Variants in ITGA11 observed in about 807,000 individuals in gnomAD.
The protein encoded by ITGA11 is integrin alpha-11.
Under a neutral mutation model 141.9 loss-of-function variants are expected in ITGA11, and 97 were observed. The ratio of observed to expected loss-of-function variants is 0.68; its 90% CI spans 0.58 to 0.81. ITGA11 has a LOEUF of 0.81. ITGA11 is among the 30% of genes least tolerant of loss of function. ITGA11 has a pLI of 0.00. For synonymous variants in ITGA11, 658 were observed against 624.6 expected (o/e 1.05, Z -0.80); for missense variants, 1,387 against 1,559.2 (o/e 0.89, Z 1.86).
chr15:68,369,227 G>A lies in ITGA11; in HGVS notation c.222C>T (p.Tyr74=). Residue 74 remains tyrosine (Y), a synonymous_variant, in exon 3 of 30, where the codon TAC becomes TAT. Coordinates refer to ENST00000315757, the MANE Select transcript of ITGA11 (RefSeq NM_001004439.2). ...TNGYQKTGDV[Y]KCPVIHGNCT... ...AGTTCCCGTGGATCACTGGACACTT[G>A]TACACGTCTCCCGTCTTCTGGTAGC... 1 of 1,614,008 alleles carries A rather than the reference G, an allele frequency of 6.2e-7. No individual in the cohort carries two copies. The highest frequency in any genetic ancestry group is 8.5e-7 in the Non-Finnish European group (1 of 1,179,884).
At chr15:68,401,345 T>A (rs1334293174) in intron 2 of ITGA11, among the ~76,000 whole-genome samples, 1 of 152,022 alleles carries the variant, frequency 6.6e-6, no homozygotes, top group East Asian at 1.9e-4. Context: ...ACTCAGCAAT[T>A]CTATCCCGGA....
In ITGA11 at chr15:68,307,430, G is replaced by A. The variant is rs1258788173; in HGVS notation, c.3299C>T (p.Ser1100Phe). ...GGCTGCGTTGACCATGATTTTCATG[G>A]ATTTGTACTTGAGCTGTGCAATCAG... ...LRSLKALKYK[S>F]MKIMVNAALQ... Residue 1100 changes from serine (S) to phenylalanine (F), a missense_variant, in exon 28 of 30, where the codon TCC becomes TTC. Coordinates refer to ENST00000315757, the MANE Select transcript of ITGA11 (RefSeq NM_001004439.2). The surrounding 1 kb of genome is among the most constrained non-coding windows in gnomAD (Gnocchi z 6.1). 5 of 1,556,950 alleles carry A rather than the reference G, an allele frequency of 3.2e-6. No homozygotes were observed. The highest frequency in any genetic ancestry group is 4.3e-6 in the Non-Finnish European group (5 of 1,149,468).
chr15:68,366,232 G>A (rs568795905), intron 3 of ITGA11, among the ~76,000 whole-genome samples: 22 of 152,194 alleles, frequency 1.4e-4, no homozygotes, highest in South Asian at 6.2e-4. Context: ...ACAAAGCACC[G>A]CGCACACCTG....
At chr15:68,424,819 T>C (rs1287998035) in intron 1 of ITGA11, among the ~76,000 whole-genome samples, 1 of 152,238 alleles carries the variant, frequency 6.6e-6, no homozygotes, top group Non-Finnish European at 1.5e-5. Context: ...ATGTTGAAGA[T>C]GCAGAGATCC....
chr15:68,348,106 C>T (rs558821293), intron 10 of ITGA11, among the ~76,000 whole-genome samples: 271 of 152,324 alleles, frequency 1.8e-3, no homozygotes, highest in African/African-American at 6.1e-3. Context: ...TCTTCTGTCC[C>T]CCTTGCAGTC....
At chr15:68,390,799 A>C (rs1179439133) in intron 2 of ITGA11, among the ~76,000 whole-genome samples, 1 of 152,180 alleles carries the variant, frequency 6.6e-6, no homozygotes, top group East Asian at 1.9e-4. Flanking sequence ...CCTATTTTAC[A>C]CATGGGCAAA....
At chr15:68,344,137 C>A (rs1234110387) in intron 10 of ITGA11, among the ~76,000 whole-genome samples, 1 of 152,108 alleles carries the variant, frequency 6.6e-6, no homozygotes, top group African/African-American at 2.4e-5. Flanking sequence ...AGAAATGATT[C>A]CTGCCACCAG....
chr15:68,430,035 T>C (rs2100003), intron 1 of ITGA11, among the ~76,000 whole-genome samples: 21,511 of 152,168 alleles, frequency 0.14, 1,984 homozygotes, highest in East Asian at 0.3. Context: ...AGGACCCAGA[T>C]TGCACACACG....
At chr15:68,313,609 TG>T (rs1289509966) in intron 23 of ITGA11, among the ~76,000 whole-genome samples, 169 bp downstream of exon 23, 1 of 152,062 alleles carries the variant, frequency 6.6e-6, no homozygotes, top group African/African-American at 2.4e-5. Flanking sequence ...CCACATTGGA[TG>T]GGGGTGCTGC....
chr15:68,332,096 G>C, intron 13 of ITGA11, 34 bp from the exon 14 acceptor site: 1 of 1,540,142 alleles, frequency 6.5e-7, no homozygotes. Flanking sequence ...GGCTGGGGAG[G>C]GTTTGGCAAA....
At chr15:68,419,778 G>A (rs1334313713) in intron 1 of ITGA11, among the ~76,000 whole-genome samples, 1 of 152,188 alleles carries the variant, frequency 6.6e-6, no homozygotes, top group Non-Finnish European at 1.5e-5. Context: ...GTATGACCTT[G>A]GGCAAGACAC....
chr15:68,358,314 C>A (rs1895131855), intron 6 of ITGA11, 144 bp downstream of exon 6: 1 of 783,400 alleles, frequency 1.3e-6, no homozygotes, highest in Non-Finnish European at 2.0e-6. Flanking sequence ...CTGCAGTGCC[C>A]CAGTGCTGGC....
At chr15:68,374,119 A>G (rs535701937) in intron 2 of ITGA11, among the ~76,000 whole-genome samples, 2 of 151,496 alleles carry the variant, frequency 1.3e-5, no homozygotes, top group South Asian at 4.2e-4. Context: ...ACCAAGACCA[A>G]TGAGGGAGAA....
At chr15:68,373,181 C>T (rs1895641211) in intron 2 of ITGA11, among the ~76,000 whole-genome samples, 1 of 152,152 alleles carries the variant, frequency 6.6e-6, no homozygotes, top group Non-Finnish European at 1.5e-5. Flanking sequence ...TTACCCTGGC[C>T]TTTCTCACAT....
intron 1 of ITGA11, among the ~76,000 whole-genome samples, chr15:68,406,170 A>C (rs1278349679): frequency 6.6e-6 from 1 of 152,180 alleles, no homozygotes; most frequent in Non-Finnish European, 1.5e-5. Flanking sequence ...GCCCTCTATC[A>C]GTGCTTGTTG....
At chr15:68,418,341 G>C (rs957854547) in intron 1 of ITGA11, among the ~76,000 whole-genome samples, 1 of 152,208 alleles carries the variant, frequency 6.6e-6, no homozygotes, top group African/African-American at 2.4e-5. Context: ...AAGTGATAGA[G>C]CCTCAGGGAG....
In ITGA11 at chr15:68,322,970, T is replaced by G. The variant is rs1893859439; in HGVS notation, c.2323-1467A>C. Among the ~76,000 whole-genome samples the G allele has an allele frequency of 6.6e-6, 1 of 152,136 alleles. No individual in the cohort carries two copies. Among genetic ancestry groups the G allele is most frequent in the African/African-American group, 2.4e-5 (1 of 41,418 alleles). The stretch of plus-strand genomic sequence containing the variant: ...GAGGACCTCAGCAGGCAGATGGATA[T>G]TCAAGCCTGGAGCTGAGGGGCAGTA... On this transcript the variant is annotated intron_variant, in intron 18 of 29. Transcript: ENST00000315757. The surrounding 1 kb of genome is among the most constrained non-coding windows in gnomAD (Gnocchi z 5.6).
intron 1 of ITGA11, among the ~76,000 whole-genome samples, chr15:68,411,084 G>A (rs1027571557): frequency 6.6e-6 from 1 of 152,356 alleles, no homozygotes; most frequent in Non-Finnish European, 1.5e-5. Flanking sequence ...AACTCTGCCT[G>A]CATTGCCACA....
intron 2 of ITGA11, among the ~76,000 whole-genome samples, chr15:68,399,873 G>A (rs890369469): frequency 6.6e-6 from 1 of 151,976 alleles, no homozygotes; most frequent in Non-Finnish European, 1.5e-5. Context: ...TGGGTGACGG[G>A]ATCACTTGTA....
Sources: gnomAD v4.1 joint callset for allele counts (sites outside exome capture counted in the v4.1 genomes callset) on GRCh38, gnomAD v4.1.1 for gene constraint, Gnocchi (gnomAD v3.1) non-coding constraint, MANE v1.5 for transcripts, NCBI Gene and HGNC (gene_info 2026-07-23, HGNC 2026-07-21) for gene names.